Variants in MLLT3 observed in about 807,000 individuals in gnomAD.
MLLT3 encodes protein AF-9.
A neutral mutation model predicts 53.2 loss-of-function variants in MLLT3; 4 were observed. The ratio of observed to expected loss-of-function variants is 0.08; its 90% CI spans 0.04 to 0.17. The LOEUF (loss-of-function observed/expected upper bound fraction) is 0.17. Among genes scored for constraint, MLLT3 ranks in the 10% least tolerant of loss-of-function variants. The pLI, the probability that MLLT3 is intolerant of heterozygous loss-of-function variation, is 1.00. For synonymous variants in MLLT3, 283 were observed against 230.6 expected, an observed-to-expected ratio of 1.23 and a Z score of -2.06; for missense variants, 569 against 684.0, an observed-to-expected ratio of 0.83 and a Z score of 1.87.
At chr9:20,439,696 A>C (rs1162150340) in intron 4 of MLLT3, among the ~76,000 whole-genome samples, 1 of 152,180 alleles carries the variant, frequency 6.6e-6, no homozygotes, top group Non-Finnish European at 1.5e-5. Flanking sequence ...GAGGACATAG[A>C]ATAAAGTCAT....
chr9:20,365,788 T>C (rs748770180), intron 5 of MLLT3, 44 bp from the exon 6 acceptor site: 1 of 1,594,918 alleles, frequency 6.3e-7, no homozygotes, highest in East Asian at 2.2e-5. Flanking sequence ...ATTTACGGGA[T>C]ACCACACATC....
intron 5 of MLLT3, among the ~76,000 whole-genome samples, chr9:20,384,644 G>A (rs773466965): frequency 2.6e-5 from 4 of 151,922 alleles, no homozygotes; most frequent in Non-Finnish European, 4.4e-5. Flanking sequence ...GTATCAACAC[G>A]ACAGTCAAAT....
chr9:20,422,889 G>A (rs1244355615), intron 4 of MLLT3, among the ~76,000 whole-genome samples: 6 of 152,146 alleles, frequency 3.9e-5, no homozygotes, highest in Admixed American at 3.9e-4. Context: ...CTTAATGAAT[G>A]CTTACTAATC....
chr9:20,520,783 C>G (rs1563798901), intron 2 of MLLT3, among the ~76,000 whole-genome samples: 1 of 152,068 alleles, frequency 6.6e-6, no homozygotes, highest in Non-Finnish European at 1.5e-5. Context: ...CTTAAAGGCA[C>G]AGGGACAGGA....
chr9:20,503,184 G>T (rs1300169900), intron 2 of MLLT3, among the ~76,000 whole-genome samples: 2 of 152,040 alleles, frequency 1.3e-5, no homozygotes, highest in Non-Finnish European at 2.9e-5. Flanking sequence ...TACAGAAATA[G>T]AAAAAACAAT....
At chr9:20,465,762 C>G (rs111996741) in intron 2 of MLLT3, among the ~76,000 whole-genome samples, 1 of 152,060 alleles carries the variant, frequency 6.6e-6, no homozygotes, top group African/African-American at 2.4e-5. Context: ...CTTTTTCCCC[C>G]CTGCATGGCA....
At chr9:20,597,176 T>C (rs767924844) in intron 2 of MLLT3, among the ~76,000 whole-genome samples, 8 of 152,164 alleles carry the variant, frequency 5.3e-5, no homozygotes, top group Non-Finnish European at 1.2e-4. Context: ...ATGGGGATAG[T>C]ACAGGTAGTA....
In MLLT3 at chr9:20,447,711, AT is replaced by A. The variant is rs765415377; in HGVS notation, c.420+411del. On this transcript the variant is annotated intron_variant, in intron 4 of 10. Coordinates refer to ENST00000380338, the MANE Select transcript of MLLT3 (RefSeq NM_004529.4). Reference sequence around the variant, plus strand: ...ATGAGTGAAGATACCTTTTTTAATAATTGTGATCAAGAAAATTTGGATTTCT... The same window carrying A: ...ATGAGTGAAGATACCTTTTTTAATAATGTGATCAAGAAAATTTGGATTTCT... Among the ~76,000 whole-genome samples, 3 of 152,254 alleles carry A rather than the reference AT, an allele frequency of 2.0e-5. No homozygotes were observed. The East Asian group carries it at 5.8e-4, about 29-fold the overall frequency.
intron 5 of MLLT3, among the ~76,000 whole-genome samples, chr9:20,406,771 C>G (rs796255854): frequency 6.6e-6 from 1 of 152,194 alleles, no homozygotes; most frequent in African/African-American, 2.4e-5. Flanking sequence ...CATCCCTAAC[C>G]TCTATATTTT....
intron 2 of MLLT3, among the ~76,000 whole-genome samples, chr9:20,471,198 G>A (rs1824383033): frequency 6.6e-6 from 1 of 151,970 alleles, no homozygotes. Flanking sequence ...ACTTTGTGCT[G>A]GATGCTTATA....
At chr9:20,357,210 C>T (rs1320973527) in intron 8 of MLLT3, among the ~76,000 whole-genome samples, 1 of 152,156 alleles carries the variant, frequency 6.6e-6, no homozygotes, top group Non-Finnish European at 1.5e-5. Flanking sequence ...AATATTAACC[C>T]GGGTCCAATG....
At position 20,342,996 on chromosome 9, in the gene MLLT3, GT is replaced by G. The variant is rs570763652; in HGVS notation, c.*3446del. 1 of 192,254 alleles carries G rather than the reference GT, an allele frequency of 5.2e-6. No homozygotes were observed. Among genetic ancestry groups the G allele is most frequent in the Non-Finnish European group, 1.1e-5 (1 of 92,672 alleles). The allele number at this position is 192,254 out of a possible 1,614,324, so 11.9% of individuals were successfully genotyped here. A position where few individuals can be genotyped will look rare whatever the true frequency, so the allele number is the denominator to read the frequency against. The stretch of plus-strand genomic sequence containing the variant: ...ACGAGCCACCAAACAGACACTGACT[GT>G]TTCCAACACTGGACATCCAACTCCA... On this transcript the variant is annotated 3_prime_UTR_variant, in exon 11 of 11. Transcript: ENST00000380338.
intron 5 of MLLT3, among the ~76,000 whole-genome samples, chr9:20,370,878 C>T (rs541913091): frequency 1.9e-4 from 29 of 152,286 alleles, no homozygotes; most frequent in African/African-American, 7.0e-4. Flanking sequence ...CAAGAGGTGA[C>T]AGGCCAAATG....
intron 2 of MLLT3, among the ~76,000 whole-genome samples, chr9:20,514,793 A>G (rs1285844062): frequency 2.0e-5 from 3 of 152,080 alleles, no homozygotes; most frequent in African/African-American, 7.2e-5. Flanking sequence ...TCATTACCTA[A>G]CACCTGTCAG....
intron 5 of MLLT3, among the ~76,000 whole-genome samples, chr9:20,388,686 AC>A (rs1476951644): frequency 7.2e-5 from 11 of 152,182 alleles, no homozygotes; most frequent in African/African-American, 2.4e-4. Flanking sequence ...GGAAAAAAAA[AC>A]CACCATGATT....
intron 2 of MLLT3, among the ~76,000 whole-genome samples, chr9:20,565,643 C>G (rs561715329): frequency 6.6e-6 from 1 of 151,658 alleles, no homozygotes; most frequent in Non-Finnish European, 1.5e-5. Flanking sequence ...AACCTAACCA[C>G]GAATTACGGT....
intron 2 of MLLT3, among the ~76,000 whole-genome samples, chr9:20,494,550 T>C (rs1463427740): frequency 6.6e-6 from 1 of 152,194 alleles, no homozygotes; most frequent in South Asian, 2.1e-4. Flanking sequence ...ATAATCTAAT[T>C]GCCTGAAGTT....
intron 2 of MLLT3, among the ~76,000 whole-genome samples, chr9:20,612,388 A>G (rs1055157730): frequency 6.6e-6 from 1 of 152,188 alleles, no homozygotes; most frequent in Non-Finnish European, 1.5e-5. Flanking sequence ...TCCTACATAT[A>G]TATTGCCTTT....
chr9:20,542,024 T>C (rs1818647761), intron 2 of MLLT3, among the ~76,000 whole-genome samples: 1 of 152,208 alleles, frequency 6.6e-6, no homozygotes, highest in African/African-American at 2.4e-5. Flanking sequence ...CAATTTACTT[T>C]ACCCAGTTCT....
Sources: gnomAD v4.1 joint callset for allele counts (sites outside exome capture counted in the v4.1 genomes callset) on GRCh38, gnomAD v4.1.1 for gene constraint, MANE v1.5 for transcripts, NCBI Gene and HGNC (gene_info 2026-07-23, HGNC 2026-07-21) for gene names.